Variants in FRMPD1 observed in about 807,000 individuals in gnomAD.
The protein encoded by FRMPD1 is FERM and PDZ domain-containing protein 1.
FRMPD1 carries 76 observed loss-of-function variants against 117.8 expected under a neutral mutation model. The ratio of observed to expected loss-of-function variants is 0.65; its 90% CI spans 0.54 to 0.78. The LOEUF (loss-of-function observed/expected upper bound fraction) is 0.78. Ranked by LOEUF, FRMPD1 falls within the 30% of genes least tolerant of loss-of-function variation. FRMPD1 has a pLI of 0.00. For missense variants in FRMPD1, 1,786 were observed against 1,964.5 expected (o/e 0.91, Z 1.72); for synonymous variants, 783 against 770.4 (o/e 1.02, Z -0.27).
intron 15 of FRMPD1, among the ~76,000 whole-genome samples, chr9:37,743,164 A>C (rs947938726): frequency 6.6e-6 from 1 of 152,232 alleles, no homozygotes; most frequent in African/African-American, 2.4e-5. Flanking sequence ...TGGGATGCAC[A>C]AAACTCGATG....
At chr9:37,640,857 A>T in the FRMPD1 span, among the ~76,000 whole-genome samples, 44 of 152,340 alleles carry the variant, frequency 2.9e-4, no homozygotes, top group African/African-American at 1.1e-3. Flanking sequence ...CAATAAGTAC[A>T]TGGTTTTTCA....
the FRMPD1 span, among the ~76,000 whole-genome samples, chr9:37,627,444 G>A: frequency 7.9e-5 from 12 of 152,144 alleles, no homozygotes; most frequent in Admixed American, 5.9e-4. Context: ...TTCATCTCCA[G>A]TCATTGTTGA....
the FRMPD1 span, among the ~76,000 whole-genome samples, chr9:37,638,022 T>TTCTTTCTTTCTC: frequency 9.3e-4 from 75 of 81,070 alleles, 4 homozygotes; most frequent in Non-Finnish European, 1.6e-3. Flanking sequence ...CTTTCTTTCT[T>TTCTTTCTTTCTC]TCTCTCTCTT....
chr9:37,664,919 G>C (rs984060309), intron 1 of FRMPD1, among the ~76,000 whole-genome samples: 2 of 152,122 alleles, frequency 1.3e-5, no homozygotes, highest in African/African-American at 4.8e-5. Flanking sequence ...TTAAAAACTT[G>C]TATAGTCTTT....
chr9:37,673,313 C>G (rs1382697705), intron 1 of FRMPD1, among the ~76,000 whole-genome samples: 1 of 152,188 alleles, frequency 6.6e-6, no homozygotes, highest in Non-Finnish European at 1.5e-5. Context: ...AAAATGATCT[C>G]CTTTGACTCC....
At position 37,746,348 on chromosome 9, in the gene FRMPD1, C is replaced by T. The variant is rs1485651833; in HGVS notation, c.4316C>T (p.Ser1439Phe). ...LLELQDILET[S>F]WGVGNKHPPE... ...GAGCTACAAGACATTTTAGAAACTTCCTGGGGGGTTGGAAACAAACATCCC... is the reference window on the plus strand; with the variant it reads ...GAGCTACAAGACATTTTAGAAACTTTCTGGGGGGTTGGAAACAAACATCCC... The change falls in exon 16 of 16, where the codon TCC (serine) becomes TTC (phenylalanine). Residue 1439 changes from serine (S) to phenylalanine (F), a missense_variant. Coordinates refer to ENST00000377765, the MANE Select transcript of FRMPD1 (RefSeq NM_014907.3). The T allele has an allele frequency of 1.2e-6, 2 of 1,612,484 alleles. No homozygotes were observed. The highest frequency in any genetic ancestry group is 2.7e-5 in the African/African-American group (2 of 74,920).
Position 37,740,267 on chromosome 9 carries a change from G to A in FRMPD1, c.1739G>A (p.Ser580Asn), listed in dbSNP as rs140481463. 1.2e-6 allele frequency: 2 copies of A among 1,613,872 alleles called. No individual in the cohort carries two copies. The highest frequency in any genetic ancestry group is 2.7e-5 in the African/African-American group (2 of 75,038). Residue 580 changes from serine (S) to asparagine (N), a missense_variant, in exon 15 of 16, where the codon AGC (serine) becomes AAC (asparagine). Physicochemically the swap from Ser to Asn is conservative, Grantham distance 46. Transcript: ENST00000377765. This position sits in a 1 kb window ranked among gnomAD's most constrained non-coding sequence, Gnocchi z 4.2. Reference sequence around the variant, plus strand: ...GGCCCCAGCACCTGCGGGGCCAGCAGCACGACAGACAGTGCCGAGTCCGAG... The same window carrying A: ...GGCCCCAGCACCTGCGGGGCCAGCAACACGACAGACAGTGCCGAGTCCGAG... The part of the protein sequence containing the change: ...RRGPSTCGAS[S>N]TTDSAESEAS...
chr9:37,681,343 A>G (rs1048661626), intron 1 of FRMPD1, among the ~76,000 whole-genome samples: 2 of 152,184 alleles, frequency 1.3e-5, no homozygotes, highest in African/African-American at 4.8e-5. Flanking sequence ...ACTGTGAAAG[A>G]CTTGACTGAG....
Position 37,714,940 on chromosome 9 carries a change from G to A in FRMPD1, c.408+3545G>A, listed in dbSNP as rs750894639. ...TGGGATTACAGGTGTGAGTCACTGC[G>A]CCTGGCCCTGAAGAATTTTAAAAAC... On this transcript the variant is annotated intron_variant, in intron 5 of 15. Transcript: ENST00000377765. Among the ~76,000 whole-genome samples, 8 of 152,104 alleles carry A rather than the reference G, an allele frequency of 5.3e-5. No individual in the cohort carries two copies. In the East Asian group the frequency reaches 1.5e-3, roughly 29 times the overall value.
chr9:37,610,927 A>G, the FRMPD1 span, among the ~76,000 whole-genome samples: 1,021 of 152,242 alleles, frequency 6.7e-3, 18 homozygotes, highest in African/African-American at 0.023. Context: ...ACAAAGATAC[A>G]TTGTATTTTA....
chr9:37,736,992 C>T (rs960789910), intron 13 of FRMPD1, 104 bp from the exon 14 acceptor site: 13 of 859,904 alleles, frequency 1.5e-5, no homozygotes, highest in African/African-American at 1.7e-5. Context: ...GGACCATGGC[C>T]GGATTTACCT....
At chr9:37,623,983 G>A in the FRMPD1 span, among the ~76,000 whole-genome samples, 1 of 152,212 alleles carries the variant, frequency 6.6e-6, no homozygotes, top group African/African-American at 2.4e-5. Flanking sequence ...AGGTGCATAT[G>A]GTTCGGGGCC....
chr9:37,720,756 GCGTGCCTGTAATC>G, intron 6 of FRMPD1, among the ~76,000 whole-genome samples: 1 of 150,850 alleles, frequency 6.6e-6, no homozygotes, highest in East Asian at 2.0e-4. Flanking sequence ...GCATGGTTGT[GCGTGCCTGTAATC>G]CCAGCTACTT....
At chr9:37,640,580 G>A in the FRMPD1 span, among the ~76,000 whole-genome samples, 3 of 152,112 alleles carry the variant, frequency 2.0e-5, no homozygotes, top group African/African-American at 4.8e-5. Flanking sequence ...GGCTTCCTAC[G>A]CTCTGGAAGG....
intron 1 of FRMPD1, among the ~76,000 whole-genome samples, chr9:37,686,298 G>A (rs1821940189): frequency 6.6e-6 from 1 of 152,216 alleles, no homozygotes; most frequent in African/African-American, 2.4e-5. Context: ...CATTGGTGTG[G>A]AGGACTCAAG....
chr9:37,664,814 G>T (rs188373076), intron 1 of FRMPD1, among the ~76,000 whole-genome samples: 49 of 152,248 alleles, frequency 3.2e-4, no homozygotes, highest in Non-Finnish European at 4.3e-4. Context: ...TAAATTAGGG[G>T]TGACTGAGTA....
At chr9:37,697,743 A>T (rs1463995051) in intron 2 of FRMPD1, among the ~76,000 whole-genome samples, 1 of 152,240 alleles carries the variant, frequency 6.6e-6, no homozygotes, top group South Asian at 2.1e-4. Context: ...TCAAATTGTC[A>T]TCTTCTTTAT....
At chr9:37,720,525 C>T (rs1195403410) in intron 6 of FRMPD1, among the ~76,000 whole-genome samples, 3 of 152,078 alleles carry the variant, frequency 2.0e-5, no homozygotes, top group Non-Finnish European at 2.9e-5. Context: ...ATTAGCCGGG[C>T]GTGGTGGTGG....
chr9:37,668,290 G>A (rs535399067), intron 1 of FRMPD1: 1 of 152,372 alleles, frequency 6.6e-6, no homozygotes, highest in East Asian at 1.9e-4. Context: ...CAGCTGCCCA[G>A]TATCCGCAGA....
Sources: allele counts gnomAD v4.1 joint callset (sites outside exome capture counted in the v4.1 genomes callset), GRCh38; gene constraint gnomAD v4.1.1; non-coding constraint Gnocchi (gnomAD v3.1); transcripts MANE v1.5; gene names NCBI Gene and HGNC (gene_info 2026-07-23, HGNC 2026-07-21).